CTBS: variants seen among roughly 807,000 people sequenced by gnomAD.
CTBS encodes the protein chitobiase, also known as di-N-acetylchitobiase.
Under a neutral mutation model 44.3 loss-of-function variants are expected in CTBS, and 35 were observed. That is an observed-to-expected ratio of 0.79 (90% CI 0.60 to 1.05). CTBS has a LOEUF of 1.05. Among genes scored for constraint, CTBS ranks in the 50% least tolerant of loss-of-function variants. The probability of loss-of-function intolerance (pLI) is 0.00; values close to 1 mark genes in which losing one functional copy is unlikely to be tolerated. For missense variants in CTBS, 458 were observed against 475.3 expected, an observed-to-expected ratio of 0.96 and a Z score of 0.34; for synonymous variants, 143 against 168.0, an observed-to-expected ratio of 0.85 and a Z score of 1.15.
chr1:84,573,957 A>T, intron 1 of CTBS: 1 of 1,334,932 alleles, frequency 7.5e-7, no homozygotes, highest in Non-Finnish European at 9.6e-7. Context: ...GCAGAGGCAC[A>T]GCAGGGGAAT....
rs56935748 is a variant in CTBS, at chr1:84,550,117, T to G, written c.*4882A>C. The G allele has an allele frequency of 0.073, 12,193 of 166,266 alleles. 837 individuals are homozygous for G. Among genetic ancestry groups the G allele is most frequent in the African/African-American group, 0.19 (7,879 of 42,050 alleles). The allele number at this position is 166,266 out of a possible 1,614,324, so 10.3% of individuals were successfully genotyped here. ...AAGTATTTTAAAATAATTCTAATCTTATTCAGCTGATAAAGCATTATGACA... is the reference window on the plus strand; with the variant it reads ...AAGTATTTTAAAATAATTCTAATCTGATTCAGCTGATAAAGCATTATGACA... On this transcript the variant is annotated 3_prime_UTR_variant, in exon 7 of 7. Coordinates refer to ENST00000370630, the MANE Select transcript of CTBS (RefSeq NM_004388.3).
Position 84,555,073 on chromosome 1 carries a change from A to C in CTBS, c.1084T>G (p.Ser362Ala), listed in dbSNP as rs1684388495. The change falls in exon 7 of 7, where the codon TCT becomes GCT. Residue 362 changes from serine (S) to alanine (A), a missense_variant. Ser to Ala is a moderately conservative substitution (Grantham distance 99). Transcript: ENST00000370630. ...TGCTGTTTGGCTACAGCATCTCCAG[A>C]GTAGTCAAGACAGTTTGCATTCCAC... ...GMWNANCLDY[S>A]GDAVAKQQTE... is the part of the protein sequence containing the mutation. The C allele has an allele frequency of 2.5e-6, 4 of 1,613,950 alleles. No individual in the cohort carries two copies. The African/African-American group carries it at 4.0e-5, about 16-fold the overall frequency.
At chr1:84,556,009 C>T (rs890284051) in intron 6 of CTBS, 1 of 152,200 alleles carries the variant, frequency 6.6e-6, no homozygotes, top group Admixed American at 6.5e-5. Context: ...AAAGTACATC[C>T]TTTTCTAGGT....
At chr1:84,573,044 A>G (rs908628103) in intron 1 of CTBS, among the ~76,000 whole-genome samples, 1 of 152,172 alleles carries the variant, frequency 6.6e-6, no homozygotes, top group African/African-American at 2.4e-5. Context: ...TGGGCCTCAG[A>G]TTGTATAAAA....
chr1:84,550,354 A>G lies in CTBS; in HGVS notation c.*4645T>C. ...TTACTCTTTTGATCTTTATCATTTC[A>G]TAGTTTATGTTCACAAGGCAGTTAA... On this transcript the variant is annotated 3_prime_UTR_variant, in exon 7 of 7. Transcript: ENST00000370630. 1.6e-6 allele frequency: 1 copy of G among 620,938 alleles called. No homozygotes were observed. 38.5% of individuals were successfully genotyped at this position (620,938 alleles called of 1,614,324 possible).
intron 4 of CTBS, 128 bp from the exon 5 acceptor site, chr1:84,563,960 TAA>T: frequency 9.3e-7 from 1 of 1,075,930 alleles, no homozygotes; most frequent in Non-Finnish European, 1.2e-6. Context: ...TAATATTGTT[TAA>T]TATGTTATAA....
chr1:84,573,267 C>A (rs905618489), intron 1 of CTBS, among the ~76,000 whole-genome samples: 2 of 152,234 alleles, frequency 1.3e-5, no homozygotes, highest in Admixed American at 1.3e-4. Context: ...TCCTTTGCTT[C>A]CCTGTTCGGC....
At chr1:84,561,386 G>A (rs1195258537) in intron 6 of CTBS, among the ~76,000 whole-genome samples, 1 of 152,198 alleles carries the variant, frequency 6.6e-6, no homozygotes, top group African/African-American at 2.4e-5. Flanking sequence ...GAATAGATGA[G>A]GAGCTACTTC....
In CTBS at chr1:84,550,638, T is replaced by C; in HGVS notation, c.*4361A>G. 2 of 1,284,240 alleles carry C rather than the reference T, an allele frequency of 1.6e-6. No homozygotes were observed. Among genetic ancestry groups the C allele is most frequent in the Non-Finnish European group, 2.0e-6 (2 of 1,008,760 alleles). The allele number at this position is 1,284,240 out of a possible 1,614,324, so 79.6% of individuals were successfully genotyped here. Reference sequence around the variant, plus strand: ...TAATATAAGGGTAGCCAGGATTGACTGTATTAAAATTGTTACCTTAACAGT... The same window carrying C: ...TAATATAAGGGTAGCCAGGATTGACCGTATTAAAATTGTTACCTTAACAGT... On this transcript the variant is annotated 3_prime_UTR_variant, in exon 7 of 7. Transcript: ENST00000370630.
intron 6 of CTBS, among the ~76,000 whole-genome samples, chr1:84,560,900 A>T (rs1465879704): frequency 6.6e-6 from 1 of 152,224 alleles, no homozygotes; most frequent in African/African-American, 2.4e-5. Flanking sequence ...TTTCTTTCAA[A>T]ATATTACTGC....
intron 6 of CTBS, among the ~76,000 whole-genome samples, chr1:84,561,989 C>T (rs927984959): frequency 5.3e-5 from 8 of 152,136 alleles, no homozygotes; most frequent in Admixed American, 3.3e-4. Flanking sequence ...TGCAATATCT[C>T]TAAGGTATGC....
In CTBS at chr1:84,553,008, A is replaced by C; in HGVS notation, c.*1991T>G. The C allele has an allele frequency of 7.0e-7, 1 of 1,430,058 alleles. No individual in the cohort carries two copies. The highest frequency in any genetic ancestry group is 9.5e-7 in the Non-Finnish European group (1 of 1,057,294). 88.6% of individuals were successfully genotyped at this position (1,430,058 alleles called of 1,614,324 possible). ...CTTTTAGAAGGGTATGATGAAGTTC[A>C]TTTTTGAAAAGTAATTCTTTTTATA... On this transcript the variant is annotated 3_prime_UTR_variant, in exon 7 of 7. Transcript: ENST00000370630.
chr1:84,569,963 CTG>C lies in CTBS; in HGVS notation c.491_492del (p.Thr164ArgfsTer6), dbSNP rs775193472. The C allele has an allele frequency of 4.3e-6, 7 of 1,611,486 alleles. No homozygotes were observed. The African/African-American group carries it at 9.4e-5, about 22-fold the overall frequency. ...CCCTCAATTTCACGATGGAAAGAGT[CTG>C]TAGTTTCTTTGACTAAAGCAGTTAA... ...DALTALVKET[T>X]DSFHREIEGS... On this transcript the variant is annotated frameshift_variant, in exon 3 of 7. Transcript: ENST00000370630. LOFTEE classifies it high-confidence loss of function.
At chr1:84,569,894 A>G in intron 3 of CTBS, 37 bp downstream of exon 3, 1 of 1,529,200 alleles carries the variant, frequency 6.5e-7, no homozygotes, top group Non-Finnish European at 9.0e-7. Context: ...TCTGATATGG[A>G]AAATATGAGG....
chr1:84,560,062 C>A (rs1421819402), intron 6 of CTBS, among the ~76,000 whole-genome samples: 1 of 123,208 alleles, frequency 8.1e-6, no homozygotes, highest in South Asian at 2.6e-4. Context: ...ACAGCCTGGG[C>A]GACAGAGCAA....
In CTBS at chr1:84,574,245, A is replaced by G. The variant is rs762490549; in HGVS notation, c.171T>C (p.Asp57=). The G allele has an allele frequency of 5.6e-6, 9 of 1,605,546 alleles. No individual in the cohort carries two copies. The highest frequency in any genetic ancestry group is 6.8e-6 in the Non-Finnish European group (8 of 1,176,894). ...ELCRPIRHHP[D]FEVFVFDVGQ... ...AGCAGAGGAAGGCGCTGACCTCGAA[A>G]TCTGGATGGTGGCGAATCGGGCGGC... The change falls in exon 1 of 7, where the codon GAT becomes GAC. Residue 57 remains aspartate (D), a synonymous_variant. Coordinates refer to ENST00000370630, the MANE Select transcript of CTBS (RefSeq NM_004388.3).
chr1:84,551,114 T>C lies in CTBS; in HGVS notation c.*3885A>G, dbSNP rs1187491357. 1.3e-5 allele frequency: 13 copies of C among 985,022 alleles called. No homozygotes were observed. The highest frequency in any genetic ancestry group is 1.7e-5 in the African/African-American group (1 of 57,238). The allele number at this position is 985,022 out of a possible 1,614,324, so 61.0% of individuals were successfully genotyped here. A position where few individuals can be genotyped will look rare whatever the true frequency, so the allele number is the denominator to read the frequency against. On this transcript the variant is annotated 3_prime_UTR_variant, in exon 7 of 7. Coordinates refer to ENST00000370630, the MANE Select transcript of CTBS (RefSeq NM_004388.3). The stretch of plus-strand genomic sequence containing the variant: ...GAATTGTGTACAACTAATTACATCA[T>C]AGAAATTATCTGTGAAGTACATATG...
rs1647247334 is a variant in CTBS, at chr1:84,569,961, G to A, written c.495C>T (p.Asp165=). ...ATCCCTCAATTTCACGATGGAAAGAGTCTGTAGTTTCTTTGACTAAAGCAG... is the reference window on the plus strand; with the variant it reads ...ATCCCTCAATTTCACGATGGAAAGAATCTGTAGTTTCTTTGACTAAAGCAG... ...ALTALVKETT[D]SFHREIEGSQ... is the part of the protein sequence containing the mutation. The change falls in exon 3 of 7, where the codon GAC becomes GAT. Residue 165 remains aspartate, a synonymous_variant. Coordinates refer to ENST00000370630, the MANE Select transcript of CTBS (RefSeq NM_004388.3). The A allele has an allele frequency of 1.2e-6, 2 of 1,611,500 alleles. No homozygotes were observed. The highest frequency in any genetic ancestry group is 1.7e-6 in the Non-Finnish European group (2 of 1,179,488).
chr1:84,570,251 C>CTCCAATGG, intron 2 of CTBS, 112 bp from the exon 3 acceptor site: 1 of 823,290 alleles, frequency 1.2e-6, no homozygotes, highest in Non-Finnish European at 1.9e-6. Flanking sequence ...ACCAAAGTAA[C>CTCCAATGG]AGAAAGCCAT....
Sources: allele counts gnomAD v4.1 joint callset (sites outside exome capture counted in the v4.1 genomes callset), GRCh38; gene constraint gnomAD v4.1.1; transcripts MANE v1.5; gene names NCBI Gene and HGNC (gene_info 2026-07-23, HGNC 2026-07-21).